CXADR: variants seen among roughly 807,000 people sequenced by gnomAD.
CXADR encodes the protein CXADR cell adhesion molecule, also known as coxsackievirus and adenovirus receptor.
Under a neutral mutation model 40.3 loss-of-function variants are expected in CXADR, and 20 were observed. The ratio of observed to expected loss-of-function variants is 0.50; its 90% CI spans 0.35 to 0.72. The LOEUF is 0.72. Ranked by LOEUF, CXADR falls within the 30% of genes least tolerant of loss-of-function variation. The pLI, the probability that CXADR is intolerant of heterozygous loss-of-function variation, is 0.01. For missense variants in CXADR, 332 were observed against 449.1 expected, an observed-to-expected ratio of 0.74 and a Z score of 2.36; for synonymous variants, 150 against 161.3, an observed-to-expected ratio of 0.93 and a Z score of 0.53.
chr21:17,557,103 A>G (rs927196991), intron 3 of CXADR, among the ~76,000 whole-genome samples: 1 of 152,228 alleles, frequency 6.6e-6, no homozygotes, highest in African/African-American at 2.4e-5. Context: ...AAACCCATTC[A>G]CGACTGAAAA....
chr21:17,560,649 A>G (rs181542520), intron 4 of CXADR, 53 bp from the exon 5 acceptor site: 32 of 1,552,706 alleles, frequency 2.1e-5, no homozygotes, highest in Admixed American at 3.4e-5. Context: ...CTAACACCTG[A>G]TAACAATACA....
the CXADR span, chr21:17,608,885 G>T: frequency 1.6e-6 from 2 of 1,281,870 alleles, no homozygotes; most frequent in Non-Finnish European, 2.1e-6. Flanking sequence ...ACACCTGTAG[G>T]CATGGTCTGC....
At chr21:17,540,689 G>A (rs573214128) in intron 1 of CXADR, among the ~76,000 whole-genome samples, 177 of 152,282 alleles carry the variant, frequency 1.2e-3, no homozygotes, top group African/African-American at 4.0e-3. Flanking sequence ...TAATATCCTT[G>A]TACATATGAG....
intron 7 of CXADR, among the ~76,000 whole-genome samples, chr21:17,585,661 G>A (rs2061390029): frequency 6.6e-6 from 1 of 152,108 alleles, no homozygotes; most frequent in South Asian, 2.1e-4. Flanking sequence ...GGGATTACAG[G>A]CGCGTGCCAC....
At chr21:17,519,197 T>G (rs2060498229) in intron 1 of CXADR, among the ~76,000 whole-genome samples, 1 of 152,226 alleles carries the variant, frequency 6.6e-6, no homozygotes, top group South Asian at 2.1e-4. Flanking sequence ...ATTACCAACT[T>G]AGCTCACTGC....
At chr21:17,518,867 T>G (rs996857444) in intron 1 of CXADR, 1 of 1,563,022 alleles carries the variant, frequency 6.4e-7, no homozygotes, top group African/African-American at 1.4e-5. Flanking sequence ...GCCAGTTTTT[T>G]TAGAGAACTC....
intron 7 of CXADR, among the ~76,000 whole-genome samples, chr21:17,585,483 C>T (rs1382712267): frequency 6.6e-6 from 1 of 152,008 alleles, no homozygotes; most frequent in South Asian, 2.1e-4. Flanking sequence ...TAGTGGTTTT[C>T]GATTCCAATG....
In CXADR at chr21:17,585,704, C is replaced by G. The variant is rs555545127; in HGVS notation, c.1018-7448C>G. On this transcript the variant is annotated intron_variant, in intron 7 of 7. Transcript: ENST00000400169. ...AGCTAATTTTTTTGTATTTTTAGTA[C>G]AGACGGGGTTTCACCATGTTGGCCA... Among the ~76,000 whole-genome samples the G allele has an allele frequency of 1.3e-4, 20 of 152,156 alleles. 1 individual carries two copies. The highest frequency in any genetic ancestry group is 4.6e-4 in the African/African-American group (19 of 41,534).
intron 1 of CXADR, among the ~76,000 whole-genome samples, chr21:17,538,633 G>A (rs1337999985): frequency 6.6e-6 from 1 of 151,868 alleles, no homozygotes; most frequent in African/African-American, 2.4e-5. Context: ...TAACGAGACT[G>A]CAACTCCACT....
chr21:17,633,736 T>C, the CXADR span, among the ~76,000 whole-genome samples: 4 of 152,190 alleles, frequency 2.6e-5, no homozygotes, highest in African/African-American at 9.7e-5. Flanking sequence ...ACTAACTTTG[T>C]CCCAGGCTAT....
chr21:17,555,546 C>G (rs1199808280), intron 3 of CXADR, among the ~76,000 whole-genome samples: 2 of 151,970 alleles, frequency 1.3e-5, no homozygotes, highest in Non-Finnish European at 1.5e-5. Context: ...AATTACAGAC[C>G]CAGTTTGAAT....
chr21:17,594,643 C>T (rs575276876), downstream of CXADR, among the ~76,000 whole-genome samples: 2 of 152,186 alleles, frequency 1.3e-5, no homozygotes, highest in South Asian at 4.1e-4. Flanking sequence ...TTGTTTTAGT[C>T]CAGTGGTTTC....
chr21:17,630,623 G>T, the CXADR span, among the ~76,000 whole-genome samples: 1 of 140,950 alleles, frequency 7.1e-6, no homozygotes, highest in Non-Finnish European at 1.5e-5. Flanking sequence ...TCTTTTAAAT[G>T]TAGAGAAGAC....
At chr21:17,523,484 T>G (rs1254938000) in intron 1 of CXADR, among the ~76,000 whole-genome samples, 1 of 152,160 alleles carries the variant, frequency 6.6e-6, no homozygotes, top group Admixed American at 6.6e-5. Context: ...CACTCACATT[T>G]AGTTCTCCTA....
rs2123308310 is a variant in CXADR at position 17,560,712 on chromosome 21, A to G, written c.582A>G (p.Ser194=). 1 of 1,612,458 alleles carries G rather than the reference A, an allele frequency of 6.2e-7. No homozygotes were observed. Among genetic ancestry groups the G allele is most frequent in the Non-Finnish European group, 8.5e-7 (1 of 1,179,472 alleles). The change falls in exon 5 of 7, where the codon TCA becomes TCG. Residue 194 remains serine (S), a synonymous_variant. Coordinates refer to ENST00000284878, the MANE Select transcript of CXADR (RefSeq NM_001338.5). ...MPTSWLAEMT[S]SVISVKNASS... is the part of the protein sequence containing the mutation. Reference sequence around the variant, plus strand: ...TTCCTCCTTCCATAGAAATGACTTCATCTGTTATATCTGTAAAAAATGCCT... The same window carrying G: ...TTCCTCCTTCCATAGAAATGACTTCGTCTGTTATATCTGTAAAAAATGCCT...
chr21:17,623,592 A>G, the CXADR span, among the ~76,000 whole-genome samples: 1 of 152,144 alleles, frequency 6.6e-6, no homozygotes, highest in Non-Finnish European at 1.5e-5. Context: ...AATCCTCTGA[A>G]CTTCAAACTT....
intron 3 of CXADR, among the ~76,000 whole-genome samples, chr21:17,552,385 A>C (rs77404747): frequency 0.032 from 4,857 of 152,302 alleles, 128 homozygotes; most frequent in Middle Eastern, 0.068. Flanking sequence ...TAGGCATCAC[A>C]TAGTATTTAA....
At chr21:17,634,030 G>A in the CXADR span, among the ~76,000 whole-genome samples, 3 of 152,306 alleles carry the variant, frequency 2.0e-5, no homozygotes, top group South Asian at 2.1e-4. Flanking sequence ...TTACAACAAC[G>A]TGAGACTAGC....
At chr21:17,515,099 T>C (rs970695295) in intron 1 of CXADR, among the ~76,000 whole-genome samples, 1 of 151,580 alleles carries the variant, frequency 6.6e-6, no homozygotes, top group Admixed American at 6.6e-5. Flanking sequence ...AGGGCCAGTG[T>C]CTCAGCTAAA....
Sources: allele counts gnomAD v4.1 joint callset (sites outside exome capture counted in the v4.1 genomes callset), GRCh38; gene constraint gnomAD v4.1.1; transcripts MANE v1.5; gene names NCBI Gene and HGNC (gene_info 2026-07-23, HGNC 2026-07-21).